PRELID1: variants seen among roughly 807,000 people sequenced by gnomAD.
PRELID1 encodes PRELI domain containing 1, also known as PRELI domain-containing protein 1, mitochondrial.
In PRELID1, 15 loss-of-function variants were observed where a neutral mutation model predicts 29.0. That is an observed-to-expected ratio of 0.52 (90% confidence interval 0.35 to 0.80). The LOEUF (loss-of-function observed/expected upper bound fraction) is 0.80. Among genes scored for constraint, PRELID1 ranks in the 30% least tolerant of loss-of-function variants. PRELID1 has a pLI of 0.01. For missense variants in PRELID1, 187 were observed against 275.9 expected (o/e 0.68, Z 2.28); for synonymous variants, 79 against 106.5 (o/e 0.74, Z 1.59).
At chr5:177,304,886 C>T (rs766911097) in intron 2 of PRELID1, 36 bp downstream of exon 2, 5 of 1,513,712 alleles carry the variant, frequency 3.3e-6, no homozygotes, top group Non-Finnish European at 3.6e-6. Context: ...GCACCTCCCC[C>T]TCTCCCCTCC....
intron 2 of PRELID1, 74 bp from the exon 3 acceptor site, chr5:177,305,797 G>C (rs1205274133): frequency 1.1e-5 from 14 of 1,261,176 alleles, no homozygotes; most frequent in Non-Finnish European, 1.6e-5. Flanking sequence ...CATGAAAAGT[G>C]ACAGGGAGTC....
chr5:177,304,462 C>T (rs28362589), intron 1 of PRELID1, 163 bp from the exon 2 acceptor site: 4 of 724,888 alleles, frequency 5.5e-6, no homozygotes, highest in Non-Finnish European at 9.8e-6. Context: ...GGAATTTGCC[C>T]TGGGATGGGC....
rs760327975 is a variant in PRELID1 at position 177,304,755 on chromosome 5, G to C, written c.223G>C (p.Ala75Pro). The change falls in exon 2 of 5, where the codon GCT (alanine) becomes CCT (proline). Residue 75 changes from alanine (A) to proline (P), a missense_variant. Transcript: ENST00000303204. ...WAERLFPANV[A>P]HSVYVLEDSI... ...CGAGCGACTATTTCCTGCCAATGTTGCTCACTCGGTGTACGTCCTGGAGGA... is the reference window on the plus strand; with the variant it reads ...CGAGCGACTATTTCCTGCCAATGTTCCTCACTCGGTGTACGTCCTGGAGGA... 56 of 1,613,906 alleles carry C rather than the reference G, an allele frequency of 3.5e-5. 1 individual carries two copies. Among genetic ancestry groups the C allele is most frequent in the Non-Finnish European group, 4.6e-5 (54 of 1,179,830 alleles).
chr5:177,305,061 T>C (rs2127298764), intron 2 of PRELID1, among the ~76,000 whole-genome samples: 1 of 152,304 alleles, frequency 6.6e-6, no homozygotes, highest in East Asian at 1.9e-4. Context: ...CTTTGACTCA[T>C]TCATACAGTG....
chr5:177,306,274 G>C, intron 4 of PRELID1, 98 bp downstream of exon 4: 1 of 1,561,690 alleles, frequency 6.4e-7, no homozygotes, highest in Non-Finnish European at 8.8e-7. Context: ...TCTGAGCTGG[G>C]ACTCCTTGTC....
In PRELID1 at chr5:177,303,867, T is replaced by C; in HGVS notation, c.-119T>C. The C allele has an allele frequency of 1.2e-6, 1 of 801,446 alleles. No individual in the cohort carries two copies. Among genetic ancestry groups the C allele is most frequent in the African/African-American group, 1.8e-5 (1 of 55,084 alleles). The allele number at this position is 801,446 out of a possible 1,614,324, so 49.6% of individuals were successfully genotyped here. On this transcript the variant is annotated 5_prime_UTR_variant, in exon 1 of 5. The change abolishes the stop of an existing upstream ORF in the 5' untranslated region. Coordinates refer to ENST00000303204, the MANE Select transcript of PRELID1 (RefSeq NM_013237.4). This position sits in a 1 kb window ranked among gnomAD's most constrained non-coding sequence, Gnocchi z 6.1. ...TGCTTGGGCGCGGTGCGGTGGTGAC[T>C]GAGCTACGAGCCTGGCGGCGGGTGT...
In PRELID1 at chr5:177,306,415, G is replaced by A. The variant is rs370214695; in HGVS notation, c.512-7G>A. 1.1e-4 allele frequency: 179 copies of A among 1,613,860 alleles called. No individual in the cohort carries two copies. Among genetic ancestry groups the A allele is most frequent in the Admixed American group, 3.5e-4 (21 of 59,958 alleles). ...TTCTAAAGGCAGCCACCTGCCGTTC[G>A]CGACAGGCGAGGCCCCTTCCAAAAC... is the stretch of plus-strand genomic sequence containing the variant. On this transcript the variant is annotated splice_polypyrimidine_tract_variant and splice_region_variant and intron_variant, in intron 4 of 4. Coordinates refer to ENST00000303204, the MANE Select transcript of PRELID1 (RefSeq NM_013237.4).
chr5:177,304,857 C>G lies in PRELID1; in HGVS notation c.318+7C>G, dbSNP rs749231838. 1 of 1,598,832 alleles carries G rather than the reference C, an allele frequency of 6.3e-7. No homozygotes were observed. On this transcript the variant is annotated splice_region_variant and intron_variant, in intron 2 of 4. Transcript: ENST00000303204. Reference sequence around the variant, plus strand: ...CAACCACGCCCGGCTGATGGTGAGACACCTCCTGTTGTGATTCTGCACCTC... The same window carrying G: ...CAACCACGCCCGGCTGATGGTGAGAGACCTCCTGTTGTGATTCTGCACCTC...
chr5:177,306,276 C>A, intron 4 of PRELID1, 100 bp downstream of exon 4: 1 of 1,557,828 alleles, frequency 6.4e-7, no homozygotes, highest in Non-Finnish European at 8.8e-7. Flanking sequence ...TGAGCTGGGA[C>A]TCCTTGTCTG....
chr5:177,305,071 G>T (rs1252852430), intron 2 of PRELID1, among the ~76,000 whole-genome samples: 1 of 152,192 alleles, frequency 6.6e-6, no homozygotes, highest in Non-Finnish European at 1.5e-5. Flanking sequence ...TTCATACAGT[G>T]GGGGAGGGGT....
At chr5:177,304,240 T>A in intron 1 of PRELID1, 163 bp downstream of exon 1, 2 of 688,616 alleles carry the variant, frequency 2.9e-6, no homozygotes, top group South Asian at 3.6e-5. Context: ...TGAAGGGAGG[T>A]TGGGCCTGGG....
rs1760780105 is a variant in PRELID1 at position 177,303,831 on chromosome 5, G to C, written c.-155G>C. 4.0e-6 allele frequency: 2 copies of C among 496,526 alleles called. No individual in the cohort carries two copies. Among genetic ancestry groups the C allele is most frequent in the Non-Finnish European group, 6.5e-6 (2 of 305,842 alleles). The allele number at this position is 496,526 out of a possible 1,614,324, so 30.8% of individuals were successfully genotyped here. A position where few individuals can be genotyped will look rare whatever the true frequency, so the allele number is the denominator to read the frequency against. On this transcript the variant is annotated 5_prime_UTR_variant, in exon 1 of 5. Transcript: ENST00000303204. This position sits in a 1 kb window ranked among gnomAD's most constrained non-coding sequence, Gnocchi z 6.1. ...CGGACAACTCATGGCGGCGGCGGCGGCGGCGGCAGCTGCTTGGGCGCGGTG... is the reference window on the plus strand; with the variant it reads ...CGGACAACTCATGGCGGCGGCGGCGCCGGCGGCAGCTGCTTGGGCGCGGTG...
intron 1 of PRELID1, 194 bp from the exon 2 acceptor site, chr5:177,304,431 G>A: frequency 2.9e-6 from 2 of 686,976 alleles, no homozygotes; most frequent in Admixed American, 4.1e-5. Flanking sequence ...AGGAATCCAG[G>A]TCAGTCAGAT....
intron 2 of PRELID1, 68 bp from the exon 3 acceptor site, chr5:177,305,799 CAGGG>C: frequency 2.4e-6 from 3 of 1,274,356 alleles, no homozygotes; most frequent in Non-Finnish European, 1.1e-6. Context: ...TGAAAAGTGA[CAGGG>C]AGTCAGATTT....
Position 177,306,097 on chromosome 5 carries a change from G to A in PRELID1, c.433-1G>A. 3 of 1,611,612 alleles carry A rather than the reference G, an allele frequency of 1.9e-6. No homozygotes were observed. Among genetic ancestry groups the A allele is most frequent in the Non-Finnish European group, 2.5e-6 (3 of 1,177,660 alleles). ...TCCTTCCCATTCTCATCTCATGCCAGGAATTTGGTCTTGCCCGATTCAAAA... is the reference window on the plus strand; with the variant it reads ...TCCTTCCCATTCTCATCTCATGCCAAGAATTTGGTCTTGCCCGATTCAAAA... On this transcript the variant is annotated splice_acceptor_variant, in intron 3 of 4. Transcript: ENST00000303204. LOFTEE classifies it high-confidence loss of function.
chr5:177,305,756 A>G, intron 2 of PRELID1, 115 bp from the exon 3 acceptor site: 1 of 836,342 alleles, frequency 1.2e-6, no homozygotes, highest in South Asian at 1.6e-5. Context: ...AGTCAGGGGA[A>G]GGAATGGATT....
rs1050689751 is a variant in PRELID1 at position 177,303,866 on chromosome 5, C to A, written c.-120C>A. ...CTGCTTGGGCGCGGTGCGGTGGTGACTGAGCTACGAGCCTGGCGGCGGGTG... is the reference window on the plus strand; with the variant it reads ...CTGCTTGGGCGCGGTGCGGTGGTGAATGAGCTACGAGCCTGGCGGCGGGTG... On this transcript the variant is annotated 5_prime_UTR_variant, in exon 1 of 5. It adds an upstream start codon to the 5' untranslated region. Coordinates refer to ENST00000303204, the MANE Select transcript of PRELID1 (RefSeq NM_013237.4). This position sits in a 1 kb window ranked among gnomAD's most constrained non-coding sequence, Gnocchi z 6.1. 1.3e-6 allele frequency: 1 copy of A among 796,978 alleles called. No individual in the cohort carries two copies. The highest frequency in any genetic ancestry group is 1.9e-6 in the Non-Finnish European group (1 of 526,622). 49.4% of individuals were successfully genotyped at this position (796,978 alleles called of 1,614,324 possible). A position where few individuals can be genotyped will look rare whatever the true frequency, so the allele number is the denominator to read the frequency against.
chr5:177,304,503 C>G, intron 1 of PRELID1, 122 bp from the exon 2 acceptor site: 1 of 851,358 alleles, frequency 1.2e-6, no homozygotes, highest in Admixed American at 2.0e-5. Flanking sequence ...ATAGCACATA[C>G]CACCCTGCAA....
At chr5:177,305,818 G>A (rs1245676220) in intron 2 of PRELID1, 53 bp from the exon 3 acceptor site, 4 of 1,483,302 alleles carry the variant, frequency 2.7e-6, no homozygotes, top group Non-Finnish European at 3.8e-6. Flanking sequence ...AGATTTATGT[G>A]CAAGTTGGCA....
Sources: allele counts gnomAD v4.1 joint callset (sites outside exome capture counted in the v4.1 genomes callset), GRCh38; gene constraint gnomAD v4.1.1; non-coding constraint Gnocchi (gnomAD v3.1); transcripts MANE v1.5; gene names NCBI Gene and HGNC (gene_info 2026-07-23, HGNC 2026-07-21).